Variants in STIM1 observed in about 807,000 individuals in gnomAD.
The protein encoded by STIM1 is stromal interaction molecule 1.
Under a neutral mutation model 74.7 loss-of-function variants are expected in STIM1, and 25 were observed. That is an observed-to-expected ratio of 0.33 (90% confidence interval 0.24 to 0.47). The LOEUF is 0.47. STIM1 is among the 20% of genes least tolerant of loss of function. The pLI is 1.00. For synonymous variants in STIM1, 328 were observed against 348.8 expected, an observed-to-expected ratio of 0.94 and a Z score of 0.66; for missense variants, 728 against 920.8, an observed-to-expected ratio of 0.79 and a Z score of 2.71.
chr11:3,950,968 G>A (rs1025821525), intron 1 of STIM1, among the ~76,000 whole-genome samples: 1 of 152,176 alleles, frequency 6.6e-6, no homozygotes, highest in Admixed American at 6.5e-5. Context: ...CTGCTTGGTA[G>A]AGGATGAGTT....
chr11:4,086,959 G>A, intron 12 of STIM1: 1 of 1,433,146 alleles, frequency 7.0e-7, no homozygotes, highest in South Asian at 1.4e-5. Flanking sequence ...AACTCTGGGG[G>A]TGTGTGCAGT....
At chr11:3,861,018 C>T (rs766622201) in intron 1 of STIM1, among the ~76,000 whole-genome samples, 4 of 152,016 alleles carry the variant, frequency 2.6e-5, no homozygotes, top group South Asian at 2.1e-4. Flanking sequence ...CTGCAGAGGG[C>T]TTCCTGGAAA....
intron 1 of STIM1, among the ~76,000 whole-genome samples, chr11:3,946,028 A>G (rs1385187343): frequency 1.3e-5 from 2 of 152,148 alleles, no homozygotes; most frequent in East Asian, 1.9e-4. Context: ...ATCCGCCCCC[A>G]TGACCCACAC....
intron 2 of STIM1, among the ~76,000 whole-genome samples, chr11:4,022,335 C>CACAAAA (rs2093963088): frequency 9.5e-6 from 1 of 105,036 alleles, no homozygotes; most frequent in Non-Finnish European, 1.9e-5. Context: ...GAACCTGTCT[C>CACAAAA]AAAAAAAAAA....
chr11:4,002,895 A>G (rs1236840838), intron 2 of STIM1, among the ~76,000 whole-genome samples: 2 of 136,994 alleles, frequency 1.5e-5, no homozygotes, highest in East Asian at 2.2e-4. Flanking sequence ...ATAAAAAATG[A>G]TAAAGGGGAT....
chr11:4,011,633 T>A (rs2135959306), intron 2 of STIM1, among the ~76,000 whole-genome samples: 1 of 152,338 alleles, frequency 6.6e-6, no homozygotes, highest in Admixed American at 6.5e-5. Flanking sequence ...TAGCCCTTTG[T>A]CAGATGGATA....
intron 2 of STIM1, among the ~76,000 whole-genome samples, chr11:4,011,067 C>T (rs1027080337): frequency 6.6e-6 from 1 of 152,154 alleles, no homozygotes; most frequent in Non-Finnish European, 1.5e-5. Flanking sequence ...TTTATGGCTG[C>T]ATAGTAGTCC....
At chr11:4,023,065 T>C (rs1385368429) in intron 2 of STIM1, among the ~76,000 whole-genome samples, 1 of 152,162 alleles carries the variant, frequency 6.6e-6, no homozygotes, top group Non-Finnish European at 1.5e-5. Flanking sequence ...GTATGGTGGC[T>C]CACACCTGTA....
At chr11:3,950,927 C>A (rs1476959449) in intron 1 of STIM1, among the ~76,000 whole-genome samples, 2 of 152,078 alleles carry the variant, frequency 1.3e-5, no homozygotes, top group African/African-American at 4.8e-5. Flanking sequence ...TGTGCCTGGC[C>A]CAGATTTGAA....
At chr11:3,992,081 G>GCTTT (rs376329167) in intron 2 of STIM1, among the ~76,000 whole-genome samples, 2,920 of 90,776 alleles carry the variant, frequency 0.032, 276 homozygotes, top group South Asian at 0.062. Flanking sequence ...GCCAACATCT[G>GCTTT]TTTTTTTGTT....
chr11:3,997,986 T>C (rs1690620868), intron 2 of STIM1, among the ~76,000 whole-genome samples: 1 of 152,152 alleles, frequency 6.6e-6, no homozygotes, highest in Admixed American at 6.5e-5. Context: ...AAAATATCCG[T>C]TTTCTACCTC....
intron 3 of STIM1, among the ~76,000 whole-genome samples, chr11:4,028,588 T>C (rs1056006210): frequency 3.3e-5 from 5 of 151,774 alleles, no homozygotes; most frequent in Non-Finnish European, 7.4e-5. Flanking sequence ...TTTGTATTTT[T>C]AGTAGAGACG....
chr11:4,037,407 G>C (rs1254233942), intron 3 of STIM1, among the ~76,000 whole-genome samples: 1 of 152,166 alleles, frequency 6.6e-6, no homozygotes, highest in Non-Finnish European at 1.5e-5. Context: ...AGTTATAACT[G>C]TGGATTTGCC....
intron 1 of STIM1, among the ~76,000 whole-genome samples, chr11:3,910,476 C>T (rs940448917): frequency 9.2e-5 from 14 of 152,130 alleles, no homozygotes; most frequent in Non-Finnish European, 1.3e-4. Flanking sequence ...TGCTTGCAGT[C>T]CCAGCTACTC....
chr11:3,938,766 G>A (rs1203835030), intron 1 of STIM1, among the ~76,000 whole-genome samples: 1 of 152,194 alleles, frequency 6.6e-6, no homozygotes, highest in Non-Finnish European at 1.5e-5. Context: ...AGAATTGCTT[G>A]AACCCGGGAG....
chr11:3,973,894 T>G (rs2093420147), intron 2 of STIM1: 2 of 475,238 alleles, frequency 4.2e-6, no homozygotes, highest in South Asian at 5.2e-5. Flanking sequence ...AAAACAAATT[T>G]TTTTAAATTT....
chr11:4,077,364 G>T (rs576266927), intron 7 of STIM1, among the ~76,000 whole-genome samples: 1 of 151,842 alleles, frequency 6.6e-6, no homozygotes, highest in Non-Finnish European at 1.5e-5. Flanking sequence ...CCTTAATTTG[G>T]ATACATCTAA....
chr11:3,893,212 C>G (rs554309703), intron 1 of STIM1, among the ~76,000 whole-genome samples: 20 of 152,304 alleles, frequency 1.3e-4, no homozygotes, highest in African/African-American at 4.8e-4. Flanking sequence ...TTGTATGAAT[C>G]CCCTAAGGCT....
chr11:3,977,856 A>C (rs1448189920), intron 2 of STIM1, among the ~76,000 whole-genome samples: 1 of 152,100 alleles, frequency 6.6e-6, no homozygotes, highest in Non-Finnish European at 1.5e-5. Context: ...TGCTAAAGCC[A>C]TGTTTTTTTC....
Sources: allele counts gnomAD v4.1 joint callset (sites outside exome capture counted in the v4.1 genomes callset), GRCh38; gene constraint gnomAD v4.1.1; transcripts MANE v1.5; gene names NCBI Gene and HGNC (gene_info 2026-07-23, HGNC 2026-07-21).